Variants in USH2A observed in about 807,000 individuals in gnomAD.
The protein encoded by USH2A is Usher syndrome 2A (autosomal recessive, mild).
USH2A carries 443 observed loss-of-function variants against 538.9 expected under a neutral mutation model. That is an observed-to-expected ratio of 0.82 (90% confidence interval 0.76 to 0.89). USH2A has a LOEUF of 0.89. Ranked by LOEUF, USH2A falls within the 40% of genes least tolerant of loss-of-function variation. The pLI is 0.00. For synonymous variants in USH2A, 2,413 were observed against 2,273.5 expected (o/e 1.06, Z -1.75); for missense variants, 6,633 against 6,324.8 (o/e 1.05, Z -1.65).
chr1:215,779,128 G>C (rs1661546459), intron 55 of USH2A, among the ~76,000 whole-genome samples: 1 of 152,184 alleles, frequency 6.6e-6, no homozygotes, highest in Admixed American at 6.5e-5. Context: ...ATATCAGGCA[G>C]TGAGAGGTCT....
At chr1:216,165,354 G>A (rs1039192554) in intron 21 of USH2A, among the ~76,000 whole-genome samples, 3 of 152,144 alleles carry the variant, frequency 2.0e-5, no homozygotes, top group Non-Finnish European at 2.9e-5. Flanking sequence ...GCAACACAAT[G>A]TGATAGCTAT....
intron 32 of USH2A, among the ~76,000 whole-genome samples, chr1:216,031,185 T>C (rs1181004139): frequency 6.6e-6 from 1 of 151,980 alleles, no homozygotes; most frequent in Non-Finnish European, 1.5e-5. Flanking sequence ...TTACTAAATT[T>C]CCTAAATCAG....
chr1:216,106,635 GC>G (rs2032742502), intron 21 of USH2A, among the ~76,000 whole-genome samples: 1 of 149,372 alleles, frequency 6.7e-6, no homozygotes, highest in Non-Finnish European at 1.5e-5. Context: ...TCAATTCTGG[GC>G]TTTGCTTTCT....
intron 3 of USH2A, among the ~76,000 whole-genome samples, chr1:216,366,751 T>C (rs2038608097): frequency 6.6e-6 from 1 of 152,144 alleles, no homozygotes; most frequent in African/African-American, 2.4e-5. Flanking sequence ...TCCATTGATC[T>C]AGTGTTGCAT....
chr1:215,952,802 T>C (rs28808875), intron 37 of USH2A, among the ~76,000 whole-genome samples: 16,800 of 152,260 alleles, frequency 0.11, 1,018 homozygotes, highest in African/African-American at 0.16. Flanking sequence ...TCTCTATGGC[T>C]GCCCTTAACA....
At chr1:216,241,669 G>C (rs1048475587) in intron 13 of USH2A, among the ~76,000 whole-genome samples, 3 of 152,072 alleles carry the variant, frequency 2.0e-5, no homozygotes, top group African/African-American at 7.2e-5. Context: ...CAAGTAGCTG[G>C]GATTACAGGC....
intron 44 of USH2A, among the ~76,000 whole-genome samples, chr1:215,858,068 T>A (rs1006898469): frequency 4.6e-5 from 7 of 152,290 alleles, no homozygotes; most frequent in Admixed American, 2.6e-4. Context: ...ATGTTTGAGT[T>A]ACAGTTATAC....
chr1:215,917,192 CAG>C (rs1457357529), intron 38 of USH2A, among the ~76,000 whole-genome samples: 6 of 151,996 alleles, frequency 3.9e-5, no homozygotes, highest in Non-Finnish European at 4.4e-5. Flanking sequence ...CTTTTCCTTA[CAG>C]AGACTTCCTA....
chr1:215,857,949 G>A lies in USH2A; in HGVS notation c.8845+9058C>T, dbSNP rs570730591. Among the ~76,000 whole-genome samples, 10 of 152,238 alleles carry A rather than the reference G, an allele frequency of 6.6e-5. No homozygotes were observed. The South Asian group carries it at 2.1e-3, about 32-fold the overall frequency. ...ACTCAGTTTTCAAGGTTGCTCTGGT[G>A]TCCCCTTGGCCAAGTGGGGATCCAC... On this transcript the variant is annotated intron_variant, in intron 44 of 71. Coordinates refer to ENST00000307340, the MANE Select transcript of USH2A (RefSeq NM_206933.4).
intron 47 of USH2A, among the ~76,000 whole-genome samples, chr1:215,833,133 A>G (rs1030705600): frequency 1.3e-5 from 2 of 152,000 alleles, no homozygotes; most frequent in Non-Finnish European, 2.9e-5. Context: ...TCAATTCTCT[A>G]CCAATTGATC....
intron 35 of USH2A, among the ~76,000 whole-genome samples, chr1:215,980,035 A>G (rs1403401423): frequency 1.3e-5 from 2 of 152,192 alleles, no homozygotes; most frequent in African/African-American, 2.4e-5. Context: ...AGATACATGG[A>G]ATCTCTGTCT....
intron 15 of USH2A, among the ~76,000 whole-genome samples, chr1:216,216,498 A>T (rs1195248607): frequency 6.6e-6 from 1 of 151,930 alleles, no homozygotes; most frequent in Admixed American, 6.6e-5. Context: ...ATCTGTCATG[A>T]CTTGTGGCGT....
intron 63 of USH2A, among the ~76,000 whole-genome samples, chr1:215,672,219 C>T (rs1472275070): frequency 6.6e-6 from 1 of 152,158 alleles, no homozygotes; most frequent in East Asian, 1.9e-4. Context: ...ATGACACCTT[C>T]AATTTTCCCG....
chr1:215,781,034 T>A (rs978461819), intron 54 of USH2A, among the ~76,000 whole-genome samples: 1 of 152,246 alleles, frequency 6.6e-6, no homozygotes, highest in Non-Finnish European at 1.5e-5. Flanking sequence ...TTCTTTATTT[T>A]ACTCCCACAT....
intron 67 of USH2A, among the ~76,000 whole-genome samples, chr1:215,641,611 T>G (rs1480422090): frequency 6.6e-6 from 1 of 152,214 alleles, no homozygotes; most frequent in Admixed American, 6.5e-5. Context: ...GAGATCTTAT[T>G]TTCTACAAAA....
At chr1:215,827,658 T>C (rs754231045) in intron 47 of USH2A, among the ~76,000 whole-genome samples, 2 of 152,136 alleles carry the variant, frequency 1.3e-5, no homozygotes, top group African/African-American at 2.4e-5. Flanking sequence ...CGAATTGCAC[T>C]TAGTGTAGTC....
intron 30 of USH2A, among the ~76,000 whole-genome samples, chr1:216,058,824 A>T (rs2031074950): frequency 6.6e-6 from 1 of 152,222 alleles, no homozygotes; most frequent in African/African-American, 2.4e-5. Flanking sequence ...AGAAAGCTAC[A>T]TTTGCTAATT....
intron 50 of USH2A, among the ~76,000 whole-genome samples, chr1:215,793,053 C>T (rs531503566): frequency 6.6e-6 from 1 of 152,168 alleles, no homozygotes; most frequent in African/African-American, 2.4e-5. Flanking sequence ...TGATTGGACA[C>T]AACTGAGAAA....
Position 216,137,419 on chromosome 1 carries a change from A to C in USH2A, c.4627+37833T>G, listed in dbSNP as rs974188456. The stretch of plus-strand genomic sequence containing the variant: ...AAATGAGGAGGAAGCAAAAGCAGAA[A>C]CCCGTGATAAACCCATCAGATCTCA... On this transcript the variant is annotated intron_variant, in intron 21 of 71. Transcript: ENST00000307340. Among the ~76,000 whole-genome samples, 7 of 152,134 alleles carry C rather than the reference A, an allele frequency of 4.6e-5. 1 individual carries two copies. Among genetic ancestry groups the C allele is most frequent in the Non-Finnish European group, 1.0e-4 (7 of 68,034 alleles).
Sources: allele counts gnomAD v4.1 joint callset (sites outside exome capture counted in the v4.1 genomes callset), GRCh38; gene constraint gnomAD v4.1.1; transcripts MANE v1.5; gene names NCBI Gene and HGNC (gene_info 2026-07-23, HGNC 2026-07-21).